BLVRA: variants seen among roughly 807,000 people sequenced by gnomAD.
BLVRA encodes the protein BVR A.
A neutral mutation model predicts 32.8 loss-of-function variants in BLVRA; 22 were observed. The ratio of observed to expected loss-of-function variants is 0.67; its 90% CI spans 0.48 to 0.96. BLVRA has a LOEUF of 0.96. Among genes scored for constraint, BLVRA ranks in the 40% least tolerant of loss-of-function variants. BLVRA has a pLI of 0.00. For missense variants in BLVRA, 323 were observed against 358.1 expected (o/e 0.90, Z 0.79); for synonymous variants, 119 against 141.3 (o/e 0.84, Z 1.12).
At chr7:43,786,420 A>C (rs549893483) in intron 2 of BLVRA, among the ~76,000 whole-genome samples, 1 of 152,362 alleles carries the variant, frequency 6.6e-6, no homozygotes, top group South Asian at 2.1e-4. Flanking sequence ...GGAGAAATAC[A>C]CAGTTATATA....
intron 6 of BLVRA, 30 bp from the exon 7 acceptor site, chr7:43,803,646 A>T: frequency 7.4e-7 from 1 of 1,347,166 alleles, no homozygotes; most frequent in Non-Finnish European, 9.7e-7. Flanking sequence ...CCTGCTTCCC[A>T]GTTCCCACAG....
rs188133002 is a variant in BLVRA, at chr7:43,766,235, G to A, written c.-21-4903G>A. On this transcript the variant is annotated intron_variant, in intron 1 of 7. Transcript: ENST00000265523. ...TGGGAGGCAGAGGTTGCAGTGAGCC[G>A]AGATCCCACCATTGCACTCCAGCCT... 5.6e-3 allele frequency among the ~76,000 whole-genome samples: 822 copies of A among 146,426 alleles called. 8 individuals carry two copies. The highest frequency in any genetic ancestry group is 0.02 in the African/African-American group (789 of 39,464).
At chr7:43,784,030 A>G (rs538586128) in intron 2 of BLVRA, among the ~76,000 whole-genome samples, 7 of 152,326 alleles carry the variant, frequency 4.6e-5, no homozygotes, top group African/African-American at 1.7e-4. Flanking sequence ...CTGGAGTGCC[A>G]AACACCAGCT....
intron 3 of BLVRA, among the ~76,000 whole-genome samples, chr7:43,789,187 T>C (rs1332550304): frequency 6.6e-6 from 1 of 152,232 alleles, no homozygotes; most frequent in Admixed American, 6.5e-5. Flanking sequence ...GGCACTGGGC[T>C]GGGCCTGAAG....
At chr7:43,797,495 G>A (rs146294311) in intron 5 of BLVRA, among the ~76,000 whole-genome samples, 1 of 152,170 alleles carries the variant, frequency 6.6e-6, no homozygotes, top group Non-Finnish European at 1.5e-5. Flanking sequence ...TGTATGAACC[G>A]GGAAACTAAA....
intron 1 of BLVRA, among the ~76,000 whole-genome samples, chr7:43,765,498 C>T (rs1260853162): frequency 2.0e-5 from 3 of 152,162 alleles, no homozygotes; most frequent in Admixed American, 6.5e-5. Flanking sequence ...GTGATCCGCC[C>T]GCCTCGGCCT....
At chr7:43,797,849 T>A (rs1230728944) in intron 5 of BLVRA, among the ~76,000 whole-genome samples, 2 of 152,148 alleles carry the variant, frequency 1.3e-5, no homozygotes, top group Non-Finnish European at 2.9e-5. Flanking sequence ...TTTGAATATA[T>A]CTGATGTTTC....
At chr7:43,790,962 C>G (rs747641623) in intron 3 of BLVRA, among the ~76,000 whole-genome samples, 1 of 152,176 alleles carries the variant, frequency 6.6e-6, no homozygotes, top group Non-Finnish European at 1.5e-5. Context: ...CTTGAGCCAC[C>G]GCGCCCAGCT....
chr7:43,805,344 G>A (rs1291534265), intron 7 of BLVRA, among the ~76,000 whole-genome samples: 1 of 150,760 alleles, frequency 6.6e-6, no homozygotes, highest in Non-Finnish European at 1.5e-5. Context: ...GTGCGGTGGT[G>A]TGATCTCAGC....
intron 5 of BLVRA, among the ~76,000 whole-genome samples, chr7:43,797,629 G>C (rs2095794267): frequency 6.6e-6 from 1 of 152,094 alleles, no homozygotes; most frequent in Non-Finnish European, 1.5e-5. Flanking sequence ...AATTGGCATT[G>C]GTACATTACA....
chr7:43,778,776 G>A (rs1324274442), intron 2 of BLVRA, among the ~76,000 whole-genome samples: 1 of 152,264 alleles, frequency 6.6e-6, no homozygotes, highest in Non-Finnish European at 1.5e-5. Flanking sequence ...ACAGAGGCAG[G>A]CAGGCCTCCT....
intron 2 of BLVRA, among the ~76,000 whole-genome samples, chr7:43,777,611 A>G (rs2095762923): frequency 6.6e-6 from 1 of 152,072 alleles, no homozygotes; most frequent in Admixed American, 6.6e-5. Flanking sequence ...GAATCTGACA[A>G]TTATATGTCT....
At chr7:43,773,581 T>C (rs2095757128) in intron 2 of BLVRA, among the ~76,000 whole-genome samples, 1 of 152,224 alleles carries the variant, frequency 6.6e-6, no homozygotes, top group South Asian at 2.1e-4. Flanking sequence ...CTTTTGTGAA[T>C]AGTGCCGCAA....
chr7:43,777,260 T>C (rs1479177126), intron 2 of BLVRA, among the ~76,000 whole-genome samples: 1 of 152,150 alleles, frequency 6.6e-6, no homozygotes, highest in African/African-American at 2.4e-5. Context: ...CAATTTGGCA[T>C]GTTTTTGCAG....
intron 7 of BLVRA, among the ~76,000 whole-genome samples, chr7:43,805,096 A>G (rs2095802703): frequency 6.6e-6 from 1 of 152,148 alleles, no homozygotes; most frequent in African/African-American, 2.4e-5. Flanking sequence ...CTATACACAG[A>G]CAGTTGTAGC....
intron 5 of BLVRA, 65 bp from the exon 6 acceptor site, chr7:43,800,400 C>T: frequency 2.1e-6 from 3 of 1,436,382 alleles, no homozygotes; most frequent in African/African-American, 1.4e-5. Flanking sequence ...GACAGAGTAC[C>T]CTCTGGGATG....
rs751501738 is a variant in BLVRA at position 43,792,809 on chromosome 7, A to C, written c.349A>C (p.Lys117Gln). Reference sequence around the variant, plus strand: ...GGAACTGTGGGAGCTGGCTGAGCAGAAAGGTAATGTATCTTACCAAGAGTT... The same window carrying C: ...GGAACTGTGGGAGCTGGCTGAGCAGCAAGGTAATGTATCTTACCAAGAGTT... ...AQELWELAEQ[K>Q]GKVLHEEHVE... The change falls in exon 5 of 8, where the codon AAA (lysine) becomes CAA (glutamine). Residue 117 changes from lysine to glutamine, a missense_variant. Coordinates refer to ENST00000265523, the MANE Select transcript of BLVRA (RefSeq NM_000712.4). The C allele has an allele frequency of 6.2e-6, 10 of 1,613,850 alleles. No homozygotes were observed. Among genetic ancestry groups the C allele is most frequent in the Non-Finnish European group, 8.5e-6 (10 of 1,179,888 alleles).
intron 2 of BLVRA, among the ~76,000 whole-genome samples, chr7:43,784,167 T>C (rs541446840): frequency 4.6e-5 from 7 of 152,350 alleles, no homozygotes; most frequent in Admixed American, 1.3e-4. Flanking sequence ...TCCTGTTCTT[T>C]GTTCCTTAAA....
At chr7:43,793,928 A>G (rs1225645252) in intron 5 of BLVRA, among the ~76,000 whole-genome samples, 1 of 144,812 alleles carries the variant, frequency 6.9e-6, no homozygotes, top group Non-Finnish European at 1.5e-5. Context: ...GGCATACAAA[A>G]TTTTTAATTA....
Sources: allele counts gnomAD v4.1 joint callset (sites outside exome capture counted in the v4.1 genomes callset), GRCh38; gene constraint gnomAD v4.1.1; transcripts MANE v1.5; gene names NCBI Gene and HGNC (gene_info 2026-07-23, HGNC 2026-07-21).